LAMA1: variants seen among roughly 807,000 people sequenced by gnomAD.
LAMA1 encodes laminin subunit alpha-1.
LAMA1 carries 219 observed loss-of-function variants against 348.7 expected under a neutral mutation model. The observed-to-expected ratio is 0.63, with a 90% CI of 0.56 to 0.70. LAMA1 has a LOEUF of 0.70. Among genes scored for constraint, LAMA1 ranks in the 30% least tolerant of loss-of-function variants. The pLI is 0.00. For missense variants in LAMA1, 3,744 were observed against 3,888.0 expected, an observed-to-expected ratio of 0.96 and a Z score of 0.99; for synonymous variants, 1,487 against 1,491.0, an observed-to-expected ratio of 1.00 and a Z score of 0.06.
rs756158048 is a variant in LAMA1, at chr18:6,959,517, C to T, written c.7627-25G>A. ...GCTGGGGAGGTTGCATAGAGAATTTCCCAGACAAAACACATTACTATATGA... is the reference window on the plus strand; with the variant it reads ...GCTGGGGAGGTTGCATAGAGAATTTTCCAGACAAAACACATTACTATATGA... On this transcript the variant is annotated intron_variant, in intron 53 of 62. Coordinates refer to ENST00000389658, the MANE Select transcript of LAMA1 (RefSeq NM_005559.4). 13 of 1,613,518 alleles carry T rather than the reference C, an allele frequency of 8.1e-6. No homozygotes were observed. The South Asian group carries it at 1.4e-4, about 18-fold the overall frequency.
At chr18:7,049,286 A>G (rs1568046292) in intron 4 of LAMA1, 29 bp from the exon 5 acceptor site, 1 of 1,574,658 alleles carries the variant, frequency 6.4e-7, no homozygotes, top group Non-Finnish European at 8.7e-7. Flanking sequence ...AAATAGATGA[A>G]TGTCAATTGT....
At chr18:7,082,162 G>C (rs2058195667) in intron 1 of LAMA1, among the ~76,000 whole-genome samples, 1 of 152,006 alleles carries the variant, frequency 6.6e-6, no homozygotes, top group Non-Finnish European at 1.5e-5. Context: ...TAGTAATTCT[G>C]TCAAATAGAA....
At chr18:7,038,670 T>G (rs2058006882) in intron 11 of LAMA1, 140 bp downstream of exon 11, 1 of 1,164,274 alleles carries the variant, frequency 8.6e-7, no homozygotes. Context: ...CGGCTGCCTT[T>G]GACCCACGTC....
intron 31 of LAMA1, 111 bp downstream of exon 31, chr18:6,999,800 T>C (rs1223976187): frequency 4.1e-6 from 5 of 1,231,088 alleles, no homozygotes; most frequent in Non-Finnish European, 6.0e-6. Context: ...ATCAAGCACA[T>C]CCAAACTGAT....
chr18:7,008,271 G>A (rs1259896352), intron 28 of LAMA1, among the ~76,000 whole-genome samples: 12 of 152,148 alleles, frequency 7.9e-5, no homozygotes, highest in Admixed American at 6.6e-4. Flanking sequence ...GTACAACAAC[G>A]TGACTGTACT....
chr18:7,022,097 A>C (rs8089667), intron 19 of LAMA1, among the ~76,000 whole-genome samples: 52,193 of 151,498 alleles, frequency 0.34, 9,840 homozygotes, highest in African/African-American at 0.5. Flanking sequence ...TCGAGACTCC[A>C]ACACCTGGAT....
chr18:6,969,872 C>A (rs1226367508), intron 48 of LAMA1, among the ~76,000 whole-genome samples: 1 of 152,176 alleles, frequency 6.6e-6, no homozygotes, highest in Non-Finnish European at 1.5e-5. Context: ...GGAAATCATT[C>A]AATTCATTCA....
At chr18:7,066,899 A>G (rs950074705) in intron 3 of LAMA1, among the ~76,000 whole-genome samples, 2 of 152,356 alleles carry the variant, frequency 1.3e-5, no homozygotes, top group South Asian at 2.1e-4. Context: ...ACACTAAAAA[A>G]TAAACTACCG....
At position 6,948,291 on chromosome 18, in the gene LAMA1, T is replaced by C. The variant is rs1600339466; in HGVS notation, c.8710+112A>G. The C allele has an allele frequency of 5.0e-6, 7 of 1,391,950 alleles. No homozygotes were observed. In the East Asian group the frequency reaches 9.2e-5, roughly 18 times the overall value. The allele number at this position is 1,391,950 out of a possible 1,614,324, so 86.2% of individuals were successfully genotyped here. A position where few individuals can be genotyped will look rare whatever the true frequency, so the allele number is the denominator to read the frequency against. On this transcript the variant is annotated intron_variant, in intron 60 of 62. Coordinates refer to ENST00000389658, the MANE Select transcript of LAMA1 (RefSeq NM_005559.4). ...ATCAACTGGAATACTAAACTCAATGTGGTTTTCCTGCAGCCTTGTCCAGTG... is the reference window on the plus strand; with the variant it reads ...ATCAACTGGAATACTAAACTCAATGCGGTTTTCCTGCAGCCTTGTCCAGTG...
chr18:7,025,967 T>C lies in LAMA1; in HGVS notation c.2402+12A>G. 1 of 1,602,700 alleles carries C rather than the reference T, an allele frequency of 6.2e-7. No homozygotes were observed. Among genetic ancestry groups the C allele is most frequent in the Non-Finnish European group, 8.5e-7 (1 of 1,174,940 alleles). ...ATGCTGGCAGGAACCGCTGATGAGG[T>C]CCGAGGCTTACTTGTTGGAGGCTAT... On this transcript the variant is annotated intron_variant, in intron 17 of 62. Transcript: ENST00000389658.
At chr18:7,097,474 C>A (rs2058266566) in intron 1 of LAMA1, among the ~76,000 whole-genome samples, 1 of 148,888 alleles carries the variant, frequency 6.7e-6, no homozygotes, top group Non-Finnish European at 1.5e-5. Context: ...AGGTTCCATC[C>A]AATTGCTATC....
chr18:7,086,363 T>C (rs1489429322), intron 1 of LAMA1, among the ~76,000 whole-genome samples: 1 of 152,238 alleles, frequency 6.6e-6, no homozygotes, highest in Non-Finnish European at 1.5e-5. Flanking sequence ...CAGGAACAGA[T>C]ACAACGTCTT....
intron 1 of LAMA1, among the ~76,000 whole-genome samples, chr18:7,084,099 A>AAACAC: frequency 7.2e-6 from 1 of 139,236 alleles, no homozygotes. Flanking sequence ...AAAAAAAAAA[A>AAACAC]GCGGCGGTGG....
In LAMA1 at chr18:7,117,380, G is replaced by A. The variant is rs978328036; in HGVS notation, c.61+280C>T. On this transcript the variant is annotated intron_variant, in intron 1 of 62. Coordinates refer to ENST00000389658, the MANE Select transcript of LAMA1 (RefSeq NM_005559.4). ...GTAGATGGCGCTCCTGGGTCGCGAA[G>A]TCCCGCAAAAGCCAGAGGCGAGGCT... Among the ~76,000 whole-genome samples, 3 of 146,534 alleles carry A rather than the reference G, an allele frequency of 2.0e-5. No homozygotes were observed. In the Admixed American group the frequency reaches 2.1e-4, roughly 10 times the overall value.
intron 47 of LAMA1, 112 bp from the exon 48 acceptor site, chr18:6,972,093 T>C: frequency 9.2e-6 from 12 of 1,302,142 alleles, no homozygotes; most frequent in Non-Finnish European, 1.3e-5. Flanking sequence ...AGATCCAAAT[T>C]TTGAGAGAGC....
intron 16 of LAMA1, among the ~76,000 whole-genome samples, chr18:7,026,491 A>G (rs2144148495): frequency 6.6e-6 from 1 of 152,258 alleles, no homozygotes; most frequent in East Asian, 1.9e-4. Flanking sequence ...TTTAGTTGCA[A>G]AAGGAAAGAA....
At chr18:6,974,192 C>T (rs1450808072) in intron 46 of LAMA1, among the ~76,000 whole-genome samples, 3 of 151,828 alleles carry the variant, frequency 2.0e-5, no homozygotes, top group African/African-American at 7.3e-5. Flanking sequence ...TTTGTTTCTC[C>T]TGCAGTAAGA....
At chr18:7,094,610 C>T (rs538990573) in intron 1 of LAMA1, among the ~76,000 whole-genome samples, 2 of 152,180 alleles carry the variant, frequency 1.3e-5, no homozygotes, top group South Asian at 4.2e-4. Flanking sequence ...CCTCACTCTT[C>T]ATCCAAGTCT....
chr18:7,044,812 T>C lies in LAMA1; in HGVS notation c.886A>G (p.Thr296Ala), dbSNP rs778728503. ...CACCTGTTACAGCTCTCCCCGCAAG[T>C]ATTATGCTCACATTGACACTGCAGT... is the stretch of plus-strand genomic sequence containing the variant. Reference protein sequence around the residue: ...KKLQCQCEHNTCGESCNRCCP... With the variant: ...KKLQCQCEHNACGESCNRCCP... Residue 296 changes from threonine (T) to alanine (A), a missense_variant, in exon 7 of 63, where the codon ACT becomes GCT. By Grantham distance (58) the Thr-to-Ala change is moderately conservative. Around this residue, in one of 3 missense-constraint regions of LAMA1, gnomAD observed 1,529 missense variants for 1,689.4 expected, o/e 0.91. Transcript: ENST00000389658. The C allele has an allele frequency of 2.5e-6, 4 of 1,614,040 alleles. No homozygotes were observed. The highest frequency in any genetic ancestry group is 2.7e-5 in the African/African-American group (2 of 74,936).
Sources: gnomAD v4.1 joint callset for allele counts (sites outside exome capture counted in the v4.1 genomes callset) on GRCh38, gnomAD v4.1.1 for gene constraint, gnomAD v4.1.1 regional missense constraint, MANE v1.5 for transcripts, NCBI Gene and HGNC (gene_info 2026-07-23, HGNC 2026-07-21) for gene names.